Variants in RBMS3 observed in about 807,000 individuals in gnomAD.
RBMS3 encodes the protein RNA binding motif single stranded interacting protein 3.
A neutral mutation model predicts 66.8 loss-of-function variants in RBMS3; 27 were observed. That is an observed-to-expected ratio of 0.40 (90% CI 0.30 to 0.56). The LOEUF is 0.56. Ranked by LOEUF, RBMS3 falls within the 20% of genes least tolerant of loss-of-function variation. The pLI is 0.40. For synonymous variants in RBMS3, 188 were observed against 183.0 expected, an observed-to-expected ratio of 1.03 and a Z score of -0.22; for missense variants, 513 against 549.5, an observed-to-expected ratio of 0.93 and a Z score of 0.66.
chr3:29,499,019 G>A (rs1005934414), intron 3 of RBMS3, among the ~76,000 whole-genome samples: 1 of 152,116 alleles, frequency 6.6e-6, no homozygotes, highest in Non-Finnish European at 1.5e-5. Context: ...TAAACCTGGT[G>A]TGTTTGAGAT....
At chr3:29,601,203 A>C (rs532821838) in intron 4 of RBMS3, among the ~76,000 whole-genome samples, 22 of 151,888 alleles carry the variant, frequency 1.4e-4, no homozygotes, top group Non-Finnish European at 2.5e-4. Context: ...ATATATGAAA[A>C]TTATTTACAC....
At chr3:29,610,485 TA>T (rs1238445654) in intron 4 of RBMS3, among the ~76,000 whole-genome samples, 1 of 152,028 alleles carries the variant, frequency 6.6e-6, no homozygotes, top group Non-Finnish European at 1.5e-5. Context: ...CCTCCACCCA[TA>T]TTCACTTATC....
At chr3:29,986,955 A>AAAC (rs370362047) in intron 12 of RBMS3, among the ~76,000 whole-genome samples, 11 of 152,176 alleles carry the variant, frequency 7.2e-5, no homozygotes, top group African/African-American at 2.7e-4. Flanking sequence ...AAGAGGAGGA[A>AAAC]AACAACAACA....
At chr3:29,719,441 T>C (rs1489232240) in intron 4 of RBMS3, among the ~76,000 whole-genome samples, 1 of 152,112 alleles carries the variant, frequency 6.6e-6, no homozygotes, top group African/African-American at 2.4e-5. Flanking sequence ...GAATCTGCTT[T>C]TTGTCTACTC....
intron 2 of RBMS3, among the ~76,000 whole-genome samples, chr3:29,436,105 T>G (rs1009847657): frequency 6.6e-6 from 1 of 152,236 alleles, no homozygotes; most frequent in Non-Finnish European, 1.5e-5. Flanking sequence ...TTTAAAAAAC[T>G]ATTACTCAAT....
At chr3:29,327,675 G>C (rs1440841204) in intron 1 of RBMS3, among the ~76,000 whole-genome samples, 1 of 152,202 alleles carries the variant, frequency 6.6e-6, no homozygotes, top group Non-Finnish European at 1.5e-5. Context: ...GATGGTGTGT[G>C]TTCTTGTGTA....
chr3:29,690,285 A>G (rs1044909659), intron 4 of RBMS3, among the ~76,000 whole-genome samples: 2 of 151,850 alleles, frequency 1.3e-5, no homozygotes, highest in Admixed American at 1.3e-4. Context: ...TCTTGTGTCT[A>G]CAAAAAATTC....
At chr3:29,960,066 A>C (rs1696322502) in intron 12 of RBMS3, among the ~76,000 whole-genome samples, 15 of 152,172 alleles carry the variant, frequency 9.9e-5, no homozygotes, top group Admixed American at 9.8e-4. Context: ...TTAACCCAAA[A>C]GTCCAAATCC....
At chr3:29,632,270 TA>T (rs2049312107) in intron 4 of RBMS3, among the ~76,000 whole-genome samples, 1 of 151,496 alleles carries the variant, frequency 6.6e-6, no homozygotes, top group African/African-American at 2.4e-5. Context: ...GTATGAGAAA[TA>T]AAAATTTTGA....
chr3:29,838,200 G>A (rs1378569690), intron 6 of RBMS3, among the ~76,000 whole-genome samples: 1 of 146,986 alleles, frequency 6.8e-6, no homozygotes, highest in African/African-American at 2.5e-5. Flanking sequence ...AAAGCCAGCT[G>A]TGATGGTGTG....
At chr3:29,998,895 G>A (rs1327236124) in intron 14 of RBMS3, among the ~76,000 whole-genome samples, 2 of 152,060 alleles carry the variant, frequency 1.3e-5, no homozygotes, top group African/African-American at 4.8e-5. Flanking sequence ...AAAAGCAATG[G>A]CAACAAAAGC....
intron 4 of RBMS3, among the ~76,000 whole-genome samples, chr3:29,680,748 T>G (rs930890574): frequency 6.6e-6 from 1 of 152,186 alleles, no homozygotes; most frequent in Non-Finnish European, 1.5e-5. Flanking sequence ...CATCCTATTT[T>G]TTTCAATAAG....
In RBMS3 at chr3:30,006,124, C is replaced by G. The variant is rs970677794; in HGVS notation, c.*2262C>G. On this transcript the variant is annotated 3_prime_UTR_variant, in exon 15 of 15. Transcript: ENST00000383767. ...TGAATCAAATAGGTGAAACTCTTTT[C>G]AAAAACTAAGTCAGTCACAGGAGCC... 2 of 151,800 alleles carry G rather than the reference C, an allele frequency of 1.3e-5. No individual in the cohort carries two copies. The highest frequency in any genetic ancestry group is 4.8e-5 in the African/African-American group (2 of 41,390). 9.4% of individuals were successfully genotyped at this position (151,800 alleles called of 1,614,324 possible). A position where few individuals can be genotyped will look rare whatever the true frequency, so the allele number is the denominator to read the frequency against.
chr3:29,553,512 C>T (rs2046244316), intron 3 of RBMS3, among the ~76,000 whole-genome samples: 1 of 151,974 alleles, frequency 6.6e-6, no homozygotes, highest in Admixed American at 6.6e-5. Context: ...AGATGCAGCT[C>T]TGGATGGGAA....
At chr3:29,893,159 G>A (rs988352614) in intron 8 of RBMS3, among the ~76,000 whole-genome samples, 2 of 151,438 alleles carry the variant, frequency 1.3e-5, no homozygotes, top group African/African-American at 4.8e-5. Flanking sequence ...GTTCTTCCCA[G>A]AACATTTTCA....
chr3:29,658,606 C>T (rs1392359276), intron 4 of RBMS3, among the ~76,000 whole-genome samples: 2 of 152,120 alleles, frequency 1.3e-5, no homozygotes, highest in Non-Finnish European at 2.9e-5. Flanking sequence ...TGAGAAATTT[C>T]CGTAAGTAAG....
chr3:29,811,107 A>T (rs1009801913), intron 6 of RBMS3, among the ~76,000 whole-genome samples: 1 of 152,164 alleles, frequency 6.6e-6, no homozygotes, highest in Non-Finnish European at 1.5e-5. Flanking sequence ...GTGTTGGGGT[A>T]AAAAAGAAGG....
intron 4 of RBMS3, among the ~76,000 whole-genome samples, chr3:29,671,893 G>A (rs2051018341): frequency 6.6e-6 from 1 of 152,140 alleles, no homozygotes; most frequent in African/African-American, 2.4e-5. Flanking sequence ...CCCCAACCTA[G>A]CAAGGCAGGC....
At chr3:29,895,753 G>A (rs1236866023) in intron 8 of RBMS3, among the ~76,000 whole-genome samples, 1 of 151,436 alleles carries the variant, frequency 6.6e-6, no homozygotes, top group Non-Finnish European at 1.5e-5. Context: ...TTAGTATGGA[G>A]CATTGCTGGG....
Sources: allele counts gnomAD v4.1 joint callset (sites outside exome capture counted in the v4.1 genomes callset), GRCh38; gene constraint gnomAD v4.1.1; transcripts MANE v1.5; gene names NCBI Gene and HGNC (gene_info 2026-07-23, HGNC 2026-07-21).